Variants in CDH18 observed in about 807,000 individuals in gnomAD.
CDH18 encodes cadherin-18.
CDH18 carries 31 observed loss-of-function variants against 67.9 expected under a neutral mutation model. That is an observed-to-expected ratio of 0.46 (90% confidence interval 0.34 to 0.62). CDH18 has a LOEUF of 0.62. Ranked by LOEUF, CDH18 falls within the 20% of genes least tolerant of loss-of-function variation. CDH18 has a pLI of 0.01. For synonymous variants in CDH18, 362 were observed against 347.2 expected (o/e 1.04, Z -0.48); for missense variants, 890 against 975.5 (o/e 0.91, Z 1.17).
intron 2 of CDH18, among the ~76,000 whole-genome samples, chr5:20,164,895 A>T (rs1232219955): frequency 6.6e-6 from 1 of 152,142 alleles, no homozygotes; most frequent in Non-Finnish European, 1.5e-5. Context: ...AATACCATAT[A>T]AGCTTCATCT....
intron 2 of CDH18, among the ~76,000 whole-genome samples, chr5:19,945,438 T>C (rs1167574657): frequency 6.6e-6 from 1 of 152,166 alleles, no homozygotes; most frequent in Non-Finnish European, 1.5e-5. Context: ...AAAAGTCTGC[T>C]AATATTGTAT....
chr5:19,514,738 G>T (rs950159419), intron 10 of CDH18, among the ~76,000 whole-genome samples: 10 of 152,118 alleles, frequency 6.6e-5, no homozygotes, highest in African/African-American at 2.2e-4. Context: ...TGTAGATTCT[G>T]GATATTAGCC....
At chr5:19,875,485 T>C (rs1012054561) in intron 2 of CDH18, among the ~76,000 whole-genome samples, 2 of 152,228 alleles carry the variant, frequency 1.3e-5, no homozygotes, top group East Asian at 3.9e-4. Flanking sequence ...GATATACATA[T>C]AGATTATAAA....
intron 1 of CDH18, among the ~76,000 whole-genome samples, chr5:20,532,507 C>A (rs894136358): frequency 1.3e-5 from 2 of 152,194 alleles, no homozygotes. Flanking sequence ...ACTCCTCAAC[C>A]TCACATGACC....
At chr5:20,519,667 G>A (rs1755606144) in intron 1 of CDH18, among the ~76,000 whole-genome samples, 1 of 151,818 alleles carries the variant, frequency 6.6e-6, no homozygotes, top group African/African-American at 2.4e-5. Flanking sequence ...ATCCAGGGAA[G>A]TGCATTTGTC....
chr5:20,069,352 A>T (rs1206359539), intron 2 of CDH18, among the ~76,000 whole-genome samples: 3 of 151,908 alleles, frequency 2.0e-5, no homozygotes, highest in Non-Finnish European at 4.4e-5. Flanking sequence ...GTTTATGCAA[A>T]GTATTTTACT....
chr5:20,195,836 G>T (rs17224935), intron 2 of CDH18, among the ~76,000 whole-genome samples: 77,414 of 151,880 alleles, frequency 0.51, 20,112 homozygotes, highest in Middle Eastern at 0.65. Flanking sequence ...TGGGGCTTTT[G>T]TAAATATTGA....
chr5:19,790,621 G>C (rs997872387), intron 3 of CDH18, among the ~76,000 whole-genome samples: 1 of 152,106 alleles, frequency 6.6e-6, no homozygotes, highest in African/African-American at 2.4e-5. Flanking sequence ...TGCTTCATCT[G>C]TGTTGAGGAT....
intron 2 of CDH18, among the ~76,000 whole-genome samples, chr5:19,963,327 C>T (rs567164363): frequency 1.3e-5 from 2 of 152,210 alleles, no homozygotes; most frequent in South Asian, 4.1e-4. Flanking sequence ...TATTATTCTG[C>T]TCTCACACTG....
At chr5:20,372,882 T>G (rs1237011165) in intron 1 of CDH18, among the ~76,000 whole-genome samples, 1 of 152,152 alleles carries the variant, frequency 6.6e-6, no homozygotes, top group Non-Finnish European at 1.5e-5. Flanking sequence ...TAAATCTAGA[T>G]TCTATCATCT....
intron 1 of CDH18, among the ~76,000 whole-genome samples, chr5:20,291,208 A>C (rs1211429546): frequency 6.6e-6 from 1 of 152,134 alleles, no homozygotes; most frequent in Non-Finnish European, 1.5e-5. Flanking sequence ...AGAGTTTTTA[A>C]TTGAGTATAA....
chr5:20,091,778 C>A (rs1350299182), intron 2 of CDH18, among the ~76,000 whole-genome samples: 1 of 150,834 alleles, frequency 6.6e-6, no homozygotes, highest in African/African-American at 2.4e-5. Flanking sequence ...AGAGAGGAGG[C>A]AATAGTTTAA....
At chr5:20,255,868 A>G (rs888922004) in intron 1 of CDH18, among the ~76,000 whole-genome samples, 7 of 151,434 alleles carry the variant, frequency 4.6e-5, no homozygotes, top group South Asian at 2.1e-4. Flanking sequence ...AAATTTAAAT[A>G]TAAACTATTT....
chr5:19,864,826 C>T (rs1392922056), intron 2 of CDH18, among the ~76,000 whole-genome samples: 2 of 152,118 alleles, frequency 1.3e-5, no homozygotes, highest in Non-Finnish European at 2.9e-5. Flanking sequence ...AATTTTTTGC[C>T]ACTCTTACAT....
intron 1 of CDH18, among the ~76,000 whole-genome samples, chr5:20,468,440 C>G (rs566121213): frequency 1.3e-5 from 2 of 152,292 alleles, no homozygotes; most frequent in African/African-American, 4.8e-5. Flanking sequence ...AGAATGATTT[C>G]CCTAAGTATA....
intron 2 of CDH18, among the ~76,000 whole-genome samples, chr5:20,122,564 T>G (rs1159867368): frequency 6.6e-6 from 1 of 152,050 alleles, no homozygotes; most frequent in African/African-American, 2.4e-5. Flanking sequence ...GACTGATTAA[T>G]ATTAAATTAA....
intron 5 of CDH18, among the ~76,000 whole-genome samples, chr5:19,661,946 C>T (rs1362040884): frequency 6.6e-6 from 1 of 152,010 alleles, no homozygotes; most frequent in African/African-American, 2.4e-5. Context: ...AATAAGTCAG[C>T]CTTTTTCATT....
At chr5:20,077,421 G>A (rs948070245) in intron 2 of CDH18, among the ~76,000 whole-genome samples, 2 of 152,160 alleles carry the variant, frequency 1.3e-5, no homozygotes, top group African/African-American at 2.4e-5. Flanking sequence ...CAGAGCTTAG[G>A]AGAATATACC....
At chr5:20,148,449 A>G (rs1323824754) in intron 2 of CDH18, among the ~76,000 whole-genome samples, 1 of 152,078 alleles carries the variant, frequency 6.6e-6, no homozygotes, top group East Asian at 1.9e-4. Flanking sequence ...AAACAAAAGT[A>G]AAAATATTTT....
Sources: gnomAD v4.1 joint callset for allele counts (sites outside exome capture counted in the v4.1 genomes callset) on GRCh38, gnomAD v4.1.1 for gene constraint, MANE v1.5 for transcripts, NCBI Gene and HGNC (gene_info 2026-07-23, HGNC 2026-07-21) for gene names.